The following DOCK10 variants were observed in gnomAD, a reference collection of about 807,000 sequenced individuals.
DOCK10 encodes the protein dedicator of cytokinesis protein 10.
Under a neutral mutation model 280.1 loss-of-function variants are expected in DOCK10, and 145 were observed. The observed-to-expected ratio is 0.52, with a 90% CI of 0.45 to 0.59. The LOEUF is 0.59. Ranked by LOEUF, DOCK10 falls within the 20% of genes least tolerant of loss-of-function variation. The pLI is 0.00. For missense variants in DOCK10, 2,368 were observed against 2,651.7 expected (o/e 0.89, Z 2.35); for synonymous variants, 915 against 942.2 (o/e 0.97, Z 0.53).
At chr2:224,773,074 T>C in intron 53 of DOCK10, 83 bp downstream of exon 53, 1 of 1,259,346 alleles carries the variant, frequency 7.9e-7, no homozygotes, top group Non-Finnish European at 1.1e-6. Context: ...TTTCTTATAT[T>C]CTTTGTAAAC....
At chr2:224,983,562 G>GA (rs1389864966) in intron 1 of DOCK10, 6 of 299,586 alleles carry the variant, frequency 2.0e-5, no homozygotes, top group African/African-American at 1.3e-4. Context: ...GGGTGCTGCA[G>GA]GAAGTTTGAG....
At chr2:224,900,618 G>A (rs996218550) in intron 3 of DOCK10, among the ~76,000 whole-genome samples, 5 of 152,224 alleles carry the variant, frequency 3.3e-5, no homozygotes, top group Non-Finnish European at 5.9e-5. Context: ...GACAGACCTA[G>A]TTTTGAATTT....
chr2:224,991,926 C>T (rs1266951737), intron 1 of DOCK10, among the ~76,000 whole-genome samples: 2 of 152,086 alleles, frequency 1.3e-5, no homozygotes, highest in African/African-American at 4.8e-5. Flanking sequence ...GATGTTTGGA[C>T]TTTATGGTGG....
intron 1 of DOCK10, among the ~76,000 whole-genome samples, chr2:225,004,327 G>A (rs1192703841): frequency 6.6e-6 from 1 of 152,244 alleles, no homozygotes; most frequent in African/African-American, 2.4e-5. Flanking sequence ...GGCAGAGACT[G>A]GAGTTGTGTG....
At chr2:224,931,736 A>G in intron 1 of DOCK10, 68 bp from the exon 2 acceptor site, 23 of 1,472,328 alleles carry the variant, frequency 1.6e-5, no homozygotes, top group Non-Finnish European at 2.1e-5. Flanking sequence ...GCCTGGTTGG[A>G]TTTCATCTCT....
Position 224,987,075 on chromosome 2 carries a change from A to C in DOCK10, c.123+55177T>G, listed in dbSNP as rs141028619. On this transcript the variant is annotated intron_variant, in intron 1 of 55. Coordinates refer to ENST00000258390, the MANE Select transcript of DOCK10 (RefSeq NM_014689.3). The stretch of plus-strand genomic sequence containing the variant: ...CCGCATTTGGAGTCTGGAGGCCCTG[A>C]CTTCTAGCTCAAGGTGGTGCGTGGA... Among the ~76,000 whole-genome samples, 81 of 152,184 alleles carry C rather than the reference A, an allele frequency of 5.3e-4. No individual in the cohort carries two copies. In the East Asian group the frequency reaches 0.013, roughly 25 times the overall value.
At chr2:224,920,914 A>G (rs1401579471) in intron 2 of DOCK10, among the ~76,000 whole-genome samples, 3 of 150,542 alleles carry the variant, frequency 2.0e-5, no homozygotes, top group Non-Finnish European at 4.4e-5. Context: ...TGTTCCATCT[A>G]TGTAGTAAAC....
intron 1 of DOCK10, among the ~76,000 whole-genome samples, chr2:224,943,257 C>A (rs1357176494): frequency 6.6e-6 from 1 of 152,018 alleles, no homozygotes; most frequent in Non-Finnish European, 1.5e-5. Flanking sequence ...TGGCATTTCT[C>A]AGACAATACA....
rs1289341578 is a variant in DOCK10 at position 224,806,206 on chromosome 2, CCT to C, written c.3732_3733del (p.Gly1245IlefsTer19). The C allele has an allele frequency of 6.2e-7, 1 of 1,609,724 alleles. No individual in the cohort carries two copies. ...TTTGATAGCTGTCTGGCTTTGAAATCCTCCATTGGTGCTTAGATCATCTCTAG... is the reference window on the plus strand; with the variant it reads ...TTTGATAGCTGTCTGGCTTTGAAATCCCATTGGTGCTTAGATCATCTCTAG... On this transcript the variant is annotated frameshift_variant, in exon 34 of 56. Transcript: ENST00000258390. LOFTEE classifies it high-confidence loss of function.
intron 2 of DOCK10, among the ~76,000 whole-genome samples, chr2:224,928,435 T>C (rs555086445): frequency 6.6e-6 from 1 of 152,346 alleles, no homozygotes; most frequent in East Asian, 1.9e-4. Flanking sequence ...ATAATTTTAA[T>C]GTGTTTTGAA....
chr2:224,921,112 A>ATATATATATATATATATATAT (rs1553613961), intron 2 of DOCK10, among the ~76,000 whole-genome samples: 6 of 54,408 alleles, frequency 1.1e-4, no homozygotes, highest in African/African-American at 4.7e-4. Context: ...AAAAAAAAAA[A>ATATATATATATATATATATAT]ATATATATAT....
At position 224,765,842 on chromosome 2, in the gene DOCK10, A is replaced by G; in HGVS notation, c.6445-5T>C. The G allele has an allele frequency of 1.1e-5, 17 of 1,605,762 alleles. No homozygotes were observed. Among genetic ancestry groups the G allele is most frequent in the Non-Finnish European group, 1.4e-5 (17 of 1,173,150 alleles). ...CAGGTCGTCCCTGCCCGTAATCTTA[A>G]AACAGGGAAAAACACAACACAACAG... On this transcript the variant is annotated splice_region_variant and splice_polypyrimidine_tract_variant and intron_variant, in intron 55 of 55. Transcript: ENST00000258390.
At chr2:224,768,869 T>C (rs1369490986) in intron 55 of DOCK10, 3 of 456,172 alleles carry the variant, frequency 6.6e-6, no homozygotes, top group Non-Finnish European at 8.8e-6. Context: ...AAGAAAAACA[T>C]ACCACTTTTG....
chr2:224,864,597 C>A lies in DOCK10; in HGVS notation c.1558G>T (p.Ala520Ser). ...KIEKVLMGNI[A>S]SGAEPYIKNP... is the part of the protein sequence containing the mutation. Reference sequence around the variant, plus strand: ...TTAATATAAGGTTCGGCACCACTTGCAATGTTTCCCATCAAGACTTTTTCG... The same window carrying A: ...TTAATATAAGGTTCGGCACCACTTGAAATGTTTCCCATCAAGACTTTTTCG... Residue 520 changes from alanine to serine, a missense_variant, in exon 13 of 56, where the codon GCA becomes TCA. Coordinates refer to ENST00000258390, the MANE Select transcript of DOCK10 (RefSeq NM_014689.3). 6.2e-7 allele frequency: 1 copy of A among 1,613,098 alleles called. No individual in the cohort carries two copies. Among genetic ancestry groups the A allele is most frequent in the Non-Finnish European group, 8.5e-7 (1 of 1,179,710 alleles).
chr2:224,900,103 C>T (rs554711070), intron 3 of DOCK10, among the ~76,000 whole-genome samples: 1 of 152,234 alleles, frequency 6.6e-6, no homozygotes, highest in Admixed American at 6.5e-5. Flanking sequence ...TTACTCACTG[C>T]CCTTTCTTGC....
intron 1 of DOCK10, among the ~76,000 whole-genome samples, chr2:225,001,945 G>A (rs762376624): frequency 6.6e-5 from 10 of 152,150 alleles, no homozygotes; most frequent in Non-Finnish European, 5.9e-5. Context: ...TAATACCACC[G>A]TCTAAGGAGT....
intron 55 of DOCK10, among the ~76,000 whole-genome samples, chr2:224,769,218 G>A (rs1018219675): frequency 6.6e-6 from 1 of 152,020 alleles, no homozygotes; most frequent in African/African-American, 2.4e-5. Context: ...AATATAACTC[G>A]GTCAACCATT....
chr2:224,897,138 C>T (rs925060701), intron 3 of DOCK10, among the ~76,000 whole-genome samples: 5 of 152,184 alleles, frequency 3.3e-5, no homozygotes, highest in African/African-American at 1.2e-4. Flanking sequence ...ACTTCAGTAA[C>T]CAATCTTTTC....
intron 16 of DOCK10, 119 bp from the exon 17 acceptor site, chr2:224,853,241 T>G: frequency 2.6e-6 from 2 of 774,490 alleles, no homozygotes; most frequent in Non-Finnish European, 3.7e-6. Context: ...GTACACCAAT[T>G]GATATTAGCT....
Sources: gnomAD v4.1 joint callset for allele counts (sites outside exome capture counted in the v4.1 genomes callset) on GRCh38, gnomAD v4.1.1 for gene constraint, MANE v1.5 for transcripts, NCBI Gene and HGNC (gene_info 2026-07-23, HGNC 2026-07-21) for gene names.